CACNB2: variants seen among roughly 807,000 people sequenced by gnomAD.
CACNB2 encodes the protein calcium voltage-gated channel auxiliary subunit beta 2, also known as voltage-dependent L-type calcium channel subunit beta-2.
In CACNB2, 42 loss-of-function variants were observed where a neutral mutation model predicts 73.3. That is an observed-to-expected ratio of 0.57 (90% CI 0.45 to 0.74). CACNB2 has a LOEUF of 0.74. CACNB2 is among the 30% of genes least tolerant of loss of function. CACNB2 has a pLI of 0.00. For synonymous variants in CACNB2, 348 were observed against 310.3 expected, an observed-to-expected ratio of 1.12 and a Z score of -1.28; for missense variants, 940 against 853.0, an observed-to-expected ratio of 1.10 and a Z score of -1.27.
In CACNB2 at chr10:18,302,300, G is replaced by T. The variant is rs147632558; in HGVS notation, c.214-99624G>T. Among the ~76,000 whole-genome samples, 77 of 152,298 alleles carry T rather than the reference G, an allele frequency of 5.1e-4. 1 individual carries two copies. The highest frequency in any genetic ancestry group is 1.8e-3 in the African/African-American group (76 of 41,580). On this transcript the variant is annotated intron_variant, in intron 2 of 13. Coordinates refer to ENST00000324631, the MANE Select transcript of CACNB2 (RefSeq NM_201596.3). Reference sequence around the variant, plus strand: ...CGGGGGGCGCTTTGTTGCTGTAGCAGTCTTCCAAGCTGCTTGCAGATCTGC... The same window carrying T: ...CGGGGGGCGCTTTGTTGCTGTAGCATTCTTCCAAGCTGCTTGCAGATCTGC...
intron 2 of CACNB2, among the ~76,000 whole-genome samples, chr10:18,161,371 G>A (rs1349450234): frequency 6.6e-6 from 1 of 152,154 alleles, no homozygotes; most frequent in Non-Finnish European, 1.5e-5. Flanking sequence ...GGGATCGTGT[G>A]ATTGTTTAGA....
chr10:18,468,518 T>A (rs1249080985), intron 3 of CACNB2, among the ~76,000 whole-genome samples: 1 of 152,132 alleles, frequency 6.6e-6, no homozygotes, highest in African/African-American at 2.4e-5. Context: ...CAGCTAAATA[T>A]AAAGTTCACC....
intron 3 of CACNB2, among the ~76,000 whole-genome samples, chr10:18,442,968 A>G (rs1236187765): frequency 3.9e-5 from 1 of 25,704 alleles, no homozygotes; most frequent in Non-Finnish European, 5.8e-5. Context: ...GTATATATAT[A>G]TGTGTATATA....
chr10:18,534,208 T>TAAAG lies in CACNB2; in HGVS notation c.1189_1192dup (p.Ile398LysfsTer6). The TAAAG allele has an allele frequency of 6.2e-7, 1 of 1,613,328 alleles. No homozygotes were observed. The highest frequency in any genetic ancestry group is 8.5e-7 in the Non-Finnish European group (1 of 1,179,268). ...TCCTTGGCCCCTATTATAGTATATG[T>TAAAG]AAAGATTTCTTCTCCTAAGGTAAGT... On this transcript the variant is annotated frameshift_variant, in exon 11 of 14. Coordinates refer to ENST00000324631, the MANE Select transcript of CACNB2 (RefSeq NM_201596.3). LOFTEE classifies it high-confidence loss of function.
At chr10:18,509,626 C>A (rs2050663143) in intron 6 of CACNB2, among the ~76,000 whole-genome samples, 1 of 151,786 alleles carries the variant, frequency 6.6e-6, no homozygotes, top group South Asian at 2.1e-4. Flanking sequence ...TAAGTGAGAC[C>A]CCGTTTCTAA....
intron 2 of CACNB2, among the ~76,000 whole-genome samples, chr10:18,160,336 A>G (rs980639218): frequency 2.6e-5 from 4 of 152,190 alleles, no homozygotes; most frequent in Non-Finnish European, 4.4e-5. Flanking sequence ...CTTTTCTATG[A>G]AGATACATCA....
At chr10:18,355,836 C>T (rs2041886522) in intron 2 of CACNB2, among the ~76,000 whole-genome samples, 1 of 151,980 alleles carries the variant, frequency 6.6e-6, no homozygotes, top group Admixed American at 6.6e-5. Flanking sequence ...CAGGATTTCA[C>T]CATCTTGACC....
chr10:18,236,209 A>T (rs189332415), intron 2 of CACNB2, among the ~76,000 whole-genome samples: 1 of 152,260 alleles, frequency 6.6e-6, no homozygotes, highest in Admixed American at 6.5e-5. Flanking sequence ...CTGCAGCCTG[A>T]TTAGGACCCC....
At chr10:18,530,407 G>A (rs550010027) in intron 10 of CACNB2, among the ~76,000 whole-genome samples, 2 of 151,852 alleles carry the variant, frequency 1.3e-5, no homozygotes, top group South Asian at 2.1e-4. Context: ...GAGATGGCTG[G>A]TCAGTGGTTG....
chr10:18,161,338 T>C (rs1198921388), intron 2 of CACNB2, among the ~76,000 whole-genome samples: 1 of 152,170 alleles, frequency 6.6e-6, no homozygotes, highest in Non-Finnish European at 1.5e-5. Flanking sequence ...CCAGCCTCCA[T>C]TTCTTCTTTT....
At chr10:18,154,698 C>T (rs1332384517) in intron 2 of CACNB2, among the ~76,000 whole-genome samples, 1 of 152,148 alleles carries the variant, frequency 6.6e-6, no homozygotes, top group East Asian at 1.9e-4. Context: ...AAACTCCTGA[C>T]CTCAAGTGAT....
At chr10:18,290,829 T>C (rs532507140) in intron 2 of CACNB2, among the ~76,000 whole-genome samples, 85 of 152,310 alleles carry the variant, frequency 5.6e-4, no homozygotes, top group African/African-American at 2.0e-3. Flanking sequence ...TCACTACTGA[T>C]AGTAGCAAAA....
In CACNB2 at chr10:18,543,316, C is replaced by A. The variant is rs976083918; in HGVS notation, c.*3592C>A. 1.3e-5 allele frequency: 2 copies of A among 152,014 alleles called. No individual in the cohort carries two copies. Among genetic ancestry groups the A allele is most frequent in the African/African-American group, 2.4e-5 (1 of 41,372 alleles). The allele number at this position is 152,014 out of a possible 1,614,324, so 9.4% of individuals were successfully genotyped here. ...CTGATTAAAAAAAAAGATACCTCCA[C>A]GTAGATAAAATATTTTATTCAACGT... On this transcript the variant is annotated 3_prime_UTR_variant, in exon 14 of 14. Transcript: ENST00000324631.
chr10:18,447,068 AAAAT>A (rs1554821288), intron 3 of CACNB2, among the ~76,000 whole-genome samples: 13 of 152,122 alleles, frequency 8.5e-5, no homozygotes, highest in African/African-American at 2.2e-4. Flanking sequence ...TCAAAAAAAA[AAAAT>A]AAATAAATAA....
intron 2 of CACNB2, among the ~76,000 whole-genome samples, chr10:18,348,677 A>G (rs1385086502): frequency 1.3e-5 from 2 of 152,028 alleles, no homozygotes; most frequent in African/African-American, 2.4e-5. Flanking sequence ...CTATTTTTGT[A>G]TTTTTAGTAG....
intron 2 of CACNB2, among the ~76,000 whole-genome samples, chr10:18,220,234 G>T (rs11013057): frequency 0.077 from 2,269 of 29,394 alleles, 22 homozygotes; most frequent in Middle Eastern, 0.095. Context: ...TATATATATA[G>T]AGAGAGAGAG....
chr10:18,514,855 T>C lies in CACNB2; in HGVS notation c.804+486T>C. ...TCTTTCTTTTATCCAGAAATTTAACTTATGATCAAACATATTAAAGCAGTT... is the reference window on the plus strand; with the variant it reads ...TCTTTCTTTTATCCAGAAATTTAACCTATGATCAAACATATTAAAGCAGTT... On this transcript the variant is annotated intron_variant, in intron 7 of 13. Coordinates refer to ENST00000324631, the MANE Select transcript of CACNB2 (RefSeq NM_201596.3). 6 of 747,152 alleles carry C rather than the reference T, an allele frequency of 8.0e-6. No homozygotes were observed. The South Asian group carries it at 9.3e-5, about 12-fold the overall frequency. The allele number at this position is 747,152 out of a possible 1,614,324, so 46.3% of individuals were successfully genotyped here.
At chr10:18,434,315 A>G (rs570736215) in intron 3 of CACNB2, among the ~76,000 whole-genome samples, 34 of 152,326 alleles carry the variant, frequency 2.2e-4, no homozygotes, top group Admixed American at 7.8e-4. Context: ...AAGTGATTTA[A>G]CATAGGGAAT....
At chr10:18,195,712 T>C (rs562475368) in intron 2 of CACNB2, among the ~76,000 whole-genome samples, 64 of 152,346 alleles carry the variant, frequency 4.2e-4, no homozygotes, top group African/African-American at 1.5e-3. Context: ...CCTGCATTCG[T>C]TGATAAGTGG....
Sources: allele counts gnomAD v4.1 joint callset (sites outside exome capture counted in the v4.1 genomes callset), GRCh38; gene constraint gnomAD v4.1.1; transcripts MANE v1.5; gene names NCBI Gene and HGNC (gene_info 2026-07-23, HGNC 2026-07-21).